Variants in YTHDC1 observed in about 807,000 individuals in gnomAD.
The protein encoded by YTHDC1 is YTH N6-methyladenosine RNA binding protein C1, also known as YTH domain-containing protein 1.
A neutral mutation model predicts 107.0 loss-of-function variants in YTHDC1; 12 were observed. The observed-to-expected ratio is 0.11, with a 90% CI of 0.07 to 0.18. The LOEUF is 0.18. Among genes scored for constraint, YTHDC1 ranks in the 10% least tolerant of loss-of-function variants. The pLI is 1.00. For missense variants in YTHDC1, 635 were observed against 898.8 expected (o/e 0.71, Z 3.75); for synonymous variants, 280 against 289.5 (o/e 0.97, Z 0.33).
At chr4:68,323,067 A>G in intron 10 of YTHDC1, 152 bp from the exon 11 acceptor site, 1 of 682,144 alleles carries the variant, frequency 1.5e-6, no homozygotes, top group Non-Finnish European at 2.3e-6. Flanking sequence ...CAGATTTATA[A>G]AACATTTAAA....
chr4:68,337,178 C>CTCT lies in YTHDC1; in HGVS notation c.731_732insAGA (p.Glu249dup). 1.4e-5 allele frequency: 23 copies of CTCT among 1,606,820 alleles called. No individual in the cohort carries two copies. Among genetic ancestry groups the CTCT allele is most frequent in the Non-Finnish European group, 2.0e-5 (23 of 1,174,032 alleles). ...CCTGTTCATATTCTTCTTCTTCCTC[C>CTCT]TCCTCCTCCTCCTCTTCCTCCTCCT... On this transcript the variant is annotated inframe_insertion, in exon 4 of 17. Coordinates refer to ENST00000344157, the MANE Select transcript of YTHDC1 (RefSeq NM_001031732.4).
At chr4:68,324,352 G>A in intron 9 of YTHDC1, 129 bp from the exon 10 acceptor site, 1 of 693,314 alleles carries the variant, frequency 1.4e-6, no homozygotes, top group Non-Finnish European at 2.3e-6. Context: ...CACTTACAGT[G>A]GTTAATTCCC....
intron 7 of YTHDC1, among the ~76,000 whole-genome samples, chr4:68,331,378 AG>A (rs1202265508): frequency 6.6e-6 from 1 of 152,084 alleles, no homozygotes; most frequent in African/African-American, 2.4e-5. Context: ...GTAAAGTTTT[AG>A]GGGTAGTCCT....
chr4:68,325,928 A>C (rs1722943715), intron 9 of YTHDC1, among the ~76,000 whole-genome samples: 1 of 152,046 alleles, frequency 6.6e-6, no homozygotes, highest in Non-Finnish European at 1.5e-5. Flanking sequence ...AAAAATACTG[A>C]ATTTTTTTTC....
chr4:68,318,479 A>T (rs1221174432), intron 15 of YTHDC1, 40 bp downstream of exon 15: 4 of 1,537,348 alleles, frequency 2.6e-6, no homozygotes, highest in Non-Finnish European at 3.5e-6. Flanking sequence ...TAGAACTGCA[A>T]ATTAAGTTAT....
chr4:68,346,762 C>A (rs1725489665), intron 1 of YTHDC1, among the ~76,000 whole-genome samples: 1 of 152,108 alleles, frequency 6.6e-6, no homozygotes, highest in Non-Finnish European at 1.5e-5. Context: ...GTGATGATGG[C>A]ATACTGTAAT....
At chr4:68,318,904 T>C (rs1228346243) in intron 12 of YTHDC1, 42 bp from the exon 13 acceptor site, 1 of 1,604,122 alleles carries the variant, frequency 6.2e-7, no homozygotes, top group South Asian at 1.1e-5. Flanking sequence ...AATTTATATT[T>C]TTCTTTTATG....
chr4:68,325,929 A>AT (rs1216586523), intron 9 of YTHDC1, among the ~76,000 whole-genome samples: 11 of 151,954 alleles, frequency 7.2e-5, no homozygotes, highest in Admixed American at 2.0e-4. Context: ...AAAATACTGA[A>AT]TTTTTTTTCC....
chr4:68,324,423 G>C (rs2109696428), intron 9 of YTHDC1, among the ~76,000 whole-genome samples, 200 bp from the exon 10 acceptor site: 1 of 152,300 alleles, frequency 6.6e-6, no homozygotes, highest in South Asian at 2.1e-4. Flanking sequence ...AAGAGCTTAA[G>C]AGCAAGGGCT....
At chr4:68,332,231 C>T (rs202210355) in intron 6 of YTHDC1, 34 bp from the exon 7 acceptor site, 1 of 1,446,716 alleles carries the variant, frequency 6.9e-7, no homozygotes. Flanking sequence ...CGATTAACCA[C>T]AAGCCATTAT....
intron 9 of YTHDC1, among the ~76,000 whole-genome samples, chr4:68,326,578 G>T (rs1560482419): frequency 6.6e-6 from 1 of 152,092 alleles, no homozygotes; most frequent in African/African-American, 2.4e-5. Flanking sequence ...ATTTAACAAA[G>T]AATGTAAAAC....
intron 1 of YTHDC1, among the ~76,000 whole-genome samples, chr4:68,341,034 T>G (rs1018447929): frequency 2.6e-5 from 4 of 152,234 alleles, no homozygotes; most frequent in Middle Eastern, 3.4e-3. Context: ...CTTACTACTT[T>G]TTAAAAATAC....
At chr4:68,335,799 A>G (rs1200921592) in intron 4 of YTHDC1, among the ~76,000 whole-genome samples, 1 of 151,674 alleles carries the variant, frequency 6.6e-6, no homozygotes, top group Non-Finnish European at 1.5e-5. Context: ...TAAAGATTTC[A>G]TATGTTTTTA....
intron 9 of YTHDC1, among the ~76,000 whole-genome samples, chr4:68,328,037 G>A (rs545966656): frequency 2.0e-5 from 3 of 152,134 alleles, no homozygotes; most frequent in Non-Finnish European, 4.4e-5. Context: ...CTACCTCTTC[G>A]GTTGCTTGAT....
At chr4:68,319,436 A>G (rs3927373) in intron 12 of YTHDC1, among the ~76,000 whole-genome samples, 119,475 of 152,112 alleles carry the variant, frequency 0.79, 47,329 homozygotes, top group East Asian at 0.97. Context: ...ACATTTGAGT[A>G]GTCATGTTAC....
intron 16 of YTHDC1, chr4:68,316,085 T>A: frequency 7.9e-6 from 3 of 377,770 alleles, no homozygotes; most frequent in African/African-American, 2.1e-5. Context: ...TTTGTAGGCG[T>A]TTGCCTTAAG....
chr4:68,333,141 T>A (rs1298426810), intron 5 of YTHDC1, among the ~76,000 whole-genome samples, 167 bp downstream of exon 5: 1 of 152,128 alleles, frequency 6.6e-6, no homozygotes, highest in Non-Finnish European at 1.5e-5. Context: ...AGAACAGGAT[T>A]AAAATAATAA....
rs1464335686 is a variant in YTHDC1 at position 68,337,650 on chromosome 4, C to T, written c.381G>A (p.Lys127=). ...LSSSASREPY[K]NQPEKTCVRK... ...GGACACAGGTTTTTTCAGGTTGATT[C>T]TTATAAGGTTCTCTGGAGGCACTAC... The change falls in exon 3 of 17, where the codon AAG becomes AAA. Residue 127 remains lysine, a synonymous_variant. Transcript: ENST00000344157. The T allele has an allele frequency of 2.5e-6, 4 of 1,614,068 alleles. No homozygotes were observed. Among genetic ancestry groups the T allele is most frequent in the Non-Finnish European group, 3.4e-6 (4 of 1,180,010 alleles).
Position 68,349,858 on chromosome 4 carries a change from C to A in YTHDC1, c.-105G>T. ...AGCACGGGCCCGTCCGTCAGTCCGT[C>A]TGCCCGGATACGCGCGTCGCACTTG... On this transcript the variant is annotated 5_prime_UTR_variant, in exon 1 of 17. Coordinates refer to ENST00000344157, the MANE Select transcript of YTHDC1 (RefSeq NM_001031732.4). 1 of 1,534,206 alleles carries A rather than the reference C, an allele frequency of 6.5e-7. No homozygotes were observed. The highest frequency in any genetic ancestry group is 9.0e-7 in the Non-Finnish European group (1 of 1,116,456).
Sources: allele counts gnomAD v4.1 joint callset (sites outside exome capture counted in the v4.1 genomes callset), GRCh38; gene constraint gnomAD v4.1.1; transcripts MANE v1.5; gene names NCBI Gene and HGNC (gene_info 2026-07-23, HGNC 2026-07-21).